VRK1: variants seen among roughly 807,000 people sequenced by gnomAD.
VRK1 encodes the protein serine/threonine-protein kinase VRK1.
Under a neutral mutation model 57.1 loss-of-function variants are expected in VRK1, and 33 were observed. The ratio of observed to expected loss-of-function variants is 0.58; its 90% CI spans 0.44 to 0.77. The LOEUF (loss-of-function observed/expected upper bound fraction) is 0.77, where lower values mean the gene tolerates loss of function less well. VRK1 is among the 30% of genes least tolerant of loss of function. The pLI, the probability that VRK1 is intolerant of heterozygous loss-of-function variation, is 0.00. For missense variants in VRK1, 413 were observed against 477.3 expected (o/e 0.87, Z 1.25); for synonymous variants, 137 against 147.8 (o/e 0.93, Z 0.53).
intron 11 of VRK1, among the ~76,000 whole-genome samples, chr14:96,868,212 A>G (rs991945478): frequency 2.0e-5 from 3 of 152,152 alleles, no homozygotes; most frequent in African/African-American, 7.2e-5. Flanking sequence ...TTTCTGGTCC[A>G]TTAACACACA....
chr14:96,836,214 C>G (rs1274982022), intron 2 of VRK1, among the ~76,000 whole-genome samples: 1 of 152,110 alleles, frequency 6.6e-6, no homozygotes. Context: ...AATCCATATA[C>G]TTAGACTATT....
intron 1 of VRK1, among the ~76,000 whole-genome samples, chr14:96,799,326 C>T (rs532488586): frequency 1.4e-5 from 2 of 147,244 alleles, no homozygotes; most frequent in Non-Finnish European, 3.0e-5. Flanking sequence ...AATAGGCCAG[C>T]TTTTTTTTTT....
intron 11 of VRK1, among the ~76,000 whole-genome samples, chr14:96,868,826 G>A (rs1371354568): frequency 7.1e-6 from 1 of 140,594 alleles, no homozygotes; most frequent in East Asian, 2.1e-4. Flanking sequence ...TTTTGAGACA[G>A]AGTTTTGCTC....
intron 12 of VRK1, chr14:96,877,626 A>T: frequency 7.8e-7 from 1 of 1,287,322 alleles, no homozygotes; most frequent in Non-Finnish European, 1.0e-6. Flanking sequence ...AATATTCTTA[A>T]AAAACAATCC....
intron 1 of VRK1, among the ~76,000 whole-genome samples, chr14:96,809,958 G>A (rs902744291): frequency 1.3e-5 from 2 of 152,082 alleles, no homozygotes; most frequent in African/African-American, 4.8e-5. Flanking sequence ...TGAAAGTTCC[G>A]GTTACTCTGC....
intron 10 of VRK1, among the ~76,000 whole-genome samples, 192 bp downstream of exon 10, chr14:96,856,778 C>T (rs969461839): frequency 6.6e-6 from 1 of 152,124 alleles, no homozygotes. Flanking sequence ...ACCATCCTGG[C>T]TAACATGGTG....
chr14:96,874,085 T>A (rs967701132), intron 11 of VRK1, among the ~76,000 whole-genome samples: 3 of 152,246 alleles, frequency 2.0e-5, no homozygotes, highest in Non-Finnish European at 2.9e-5. Flanking sequence ...ATGTATTGGA[T>A]AGCTAGCTCC....
intron 1 of VRK1, among the ~76,000 whole-genome samples, chr14:96,798,647 A>G (rs1017317806): frequency 6.6e-6 from 1 of 152,168 alleles, no homozygotes; most frequent in Non-Finnish European, 1.5e-5. Flanking sequence ...GTAGGGCAGC[A>G]TTTATTTTCA....
In VRK1 at chr14:96,860,754, T is replaced by C; in HGVS notation, c.1068+19T>C. On this transcript the variant is annotated intron_variant, in intron 11 of 12. Coordinates refer to ENST00000216639, the MANE Select transcript of VRK1 (RefSeq NM_003384.3). ...AACAAAGGTGAATTTTGTTATTAAA[T>C]TATTCTTTGGTCTTCTTGTGTTTAT... The C allele has an allele frequency of 6.2e-7, 1 of 1,610,440 alleles. No individual in the cohort carries two copies. The highest frequency in any genetic ancestry group is 8.5e-7 in the Non-Finnish European group (1 of 1,177,960).
intron 3 of VRK1, among the ~76,000 whole-genome samples, chr14:96,842,773 T>C (rs1012692026): frequency 6.6e-6 from 1 of 152,208 alleles, no homozygotes; most frequent in African/African-American, 2.4e-5. Flanking sequence ...GGTGATTCTT[T>C]TGTGCATCAA....
At chr14:96,816,686 A>G (rs1229006433) in intron 1 of VRK1, among the ~76,000 whole-genome samples, 1 of 152,196 alleles carries the variant, frequency 6.6e-6, no homozygotes, top group Non-Finnish European at 1.5e-5. Flanking sequence ...ATCAGTAACA[A>G]AAAATACAAG....
At chr14:96,864,222 C>CT (rs931391894) in intron 11 of VRK1, among the ~76,000 whole-genome samples, 2 of 151,952 alleles carry the variant, frequency 1.3e-5, no homozygotes, top group African/African-American at 4.8e-5. Flanking sequence ...GTCAAGTGGA[C>CT]TTTTTTGCCC....
rs760801260 is a variant in VRK1, at chr14:96,881,181, A to C, written c.1164A>C (p.Ser388=). Residue 388 remains serine (S), a synonymous_variant, in exon 13 of 13, where the codon TCA becomes TCC. Coordinates refer to ENST00000216639, the MANE Select transcript of VRK1 (RefSeq NM_003384.3). ...TTTCTTTGATTTTTCTTCAAGGTTC[A>C]AGAACCAGAAAGAGAGTCCAGAAGT... ...TQTEEAIQTR[S]RTRKRVQK 9 of 1,605,206 alleles carry C rather than the reference A, an allele frequency of 5.6e-6. No homozygotes were observed. The highest frequency in any genetic ancestry group is 7.7e-6 in the Non-Finnish European group (9 of 1,175,276).
intron 12 of VRK1, among the ~76,000 whole-genome samples, chr14:96,880,029 GA>G (rs1161731452): frequency 6.6e-6 from 1 of 151,944 alleles, no homozygotes; most frequent in Non-Finnish European, 1.5e-5. Flanking sequence ...AGAAATTTAA[GA>G]AAAAAACTCA....
chr14:96,815,970 C>T (rs976531736), intron 1 of VRK1, among the ~76,000 whole-genome samples: 1 of 152,050 alleles, frequency 6.6e-6, no homozygotes, highest in African/African-American at 2.4e-5. Flanking sequence ...TCTCCGAGTA[C>T]CACTTTCAAC....
intron 1 of VRK1, among the ~76,000 whole-genome samples, chr14:96,820,466 C>T (rs1199358196): frequency 1.3e-5 from 2 of 152,190 alleles, no homozygotes; most frequent in Non-Finnish European, 2.9e-5. Flanking sequence ...CTTTGAAAAA[C>T]TTCTTGAACC....
At chr14:96,846,938 G>A (rs560831913) in intron 4 of VRK1, among the ~76,000 whole-genome samples, 1 of 152,092 alleles carries the variant, frequency 6.6e-6, no homozygotes, top group East Asian at 1.9e-4. Flanking sequence ...GTGTCTTGAG[G>A]GGTGGGGGTT....
At chr14:96,870,640 A>G (rs1446640290) in intron 11 of VRK1, among the ~76,000 whole-genome samples, 1 of 152,226 alleles carries the variant, frequency 6.6e-6, no homozygotes, top group African/African-American at 2.4e-5. Flanking sequence ...ATGAAAAGCC[A>G]TTGCTGCCAA....
chr14:96,803,382 G>A (rs958069102), intron 1 of VRK1, among the ~76,000 whole-genome samples: 1 of 151,952 alleles, frequency 6.6e-6, no homozygotes, highest in African/African-American at 2.4e-5. Flanking sequence ...TTTTGGCCAG[G>A]CTGGTCTCGA....
Sources: allele counts gnomAD v4.1 joint callset (sites outside exome capture counted in the v4.1 genomes callset), GRCh38; gene constraint gnomAD v4.1.1; transcripts MANE v1.5; gene names NCBI Gene and HGNC (gene_info 2026-07-23, HGNC 2026-07-21).